Variants in FAM81A observed in about 807,000 individuals in gnomAD.
FAM81A encodes the protein protein FAM81A.
In FAM81A, 19 loss-of-function variants were observed where a neutral mutation model predicts 46.7. That is an observed-to-expected ratio of 0.41 (90% CI 0.28 to 0.60). The LOEUF is 0.60. FAM81A is among the 20% of genes least tolerant of loss of function. The pLI, the probability that FAM81A is intolerant of heterozygous loss-of-function variation, is 0.34. For missense variants in FAM81A, 377 were observed against 453.5 expected, an observed-to-expected ratio of 0.83 and a Z score of 1.53; for synonymous variants, 183 against 152.9, an observed-to-expected ratio of 1.20 and a Z score of -1.45.
At chr15:59,447,251 G>A (rs1403840282) in intron 1 of FAM81A, among the ~76,000 whole-genome samples, 5 of 152,190 alleles carry the variant, frequency 3.3e-5, no homozygotes, top group Admixed American at 2.6e-4. Context: ...ATGTCAAGAT[G>A]TGTCAGGTAA....
intron 1 of FAM81A, among the ~76,000 whole-genome samples, chr15:59,450,447 G>A (rs2081405341): frequency 6.6e-6 from 1 of 151,960 alleles, no homozygotes; most frequent in Admixed American, 6.6e-5. Context: ...AGGTCATTAG[G>A]TTTGTGCATC....
At chr15:59,485,371 G>A (rs982859152) in intron 3 of FAM81A, among the ~76,000 whole-genome samples, 4 of 152,192 alleles carry the variant, frequency 2.6e-5, no homozygotes, top group Admixed American at 6.5e-5. Context: ...TGGGTACAGA[G>A]GTGCTTGTGC....
intron 2 of FAM81A, among the ~76,000 whole-genome samples, chr15:59,414,643 A>G (rs1167434127): frequency 3.3e-5 from 5 of 151,782 alleles, no homozygotes; most frequent in Non-Finnish European, 7.4e-5. Flanking sequence ...ACTGGTGACA[A>G]CTGAGTTCTT....
chr15:59,418,526 C>T (rs1487479132), intron 2 of FAM81A, among the ~76,000 whole-genome samples: 1 of 152,154 alleles, frequency 6.6e-6, no homozygotes, highest in African/African-American at 2.4e-5. Context: ...ATCAATAGCT[C>T]GATCCAGGTT....
At chr15:59,502,820 G>A (rs931120676) in intron 4 of FAM81A, among the ~76,000 whole-genome samples, 5 of 151,858 alleles carry the variant, frequency 3.3e-5, no homozygotes, top group Admixed American at 1.3e-4. Flanking sequence ...CGCGCCAGCC[G>A]TGTTTTCTAA....
At chr15:59,423,415 T>C (rs921658605) in intron 2 of FAM81A, among the ~76,000 whole-genome samples, 3 of 152,198 alleles carry the variant, frequency 2.0e-5, no homozygotes, top group Non-Finnish European at 4.4e-5. Context: ...AGTATTATTA[T>C]TAACTTTTGA....
At chr15:59,448,174 TG>T (rs2081372154) in intron 1 of FAM81A, among the ~76,000 whole-genome samples, 1 of 152,078 alleles carries the variant, frequency 6.6e-6, no homozygotes, top group African/African-American at 2.4e-5. Flanking sequence ...GTCAGGCTTT[TG>T]AGACCACCAT....
chr15:59,409,419 T>C (rs2081110846), intron 2 of FAM81A, among the ~76,000 whole-genome samples: 1 of 152,190 alleles, frequency 6.6e-6, no homozygotes, highest in African/African-American at 2.4e-5. Context: ...CAATACCCCC[T>C]ACTTCATGCT....
intron 3 of FAM81A, among the ~76,000 whole-genome samples, chr15:59,481,099 A>G (rs956286292): frequency 2.6e-5 from 4 of 151,916 alleles, no homozygotes; most frequent in African/African-American, 9.7e-5. Context: ...GGTTCAAGCA[A>G]TCCTCTTGCC....
chr15:59,399,985 G>C (rs866909755), intron 1 of FAM81A, among the ~76,000 whole-genome samples: 15 of 152,258 alleles, frequency 9.9e-5, no homozygotes, highest in Middle Eastern at 6.8e-3. Context: ...CTCCAGGGAG[G>C]GTGGTGGGGT....
chr15:59,453,090 G>A (rs2081438696), intron 1 of FAM81A, among the ~76,000 whole-genome samples: 1 of 152,288 alleles, frequency 6.6e-6, no homozygotes, highest in Non-Finnish European at 1.5e-5. Context: ...AAATAGATAT[G>A]TATTCTATCA....
At chr15:59,479,174 C>T in intron 3 of FAM81A, among the ~76,000 whole-genome samples, 1 of 152,128 alleles carries the variant, frequency 6.6e-6, no homozygotes, top group Non-Finnish European at 1.5e-5. Flanking sequence ...ATGTCAAGTG[C>T]TCTGATGAGA....
At chr15:59,486,094 G>T (rs1388545272) in intron 3 of FAM81A, among the ~76,000 whole-genome samples, 3 of 152,058 alleles carry the variant, frequency 2.0e-5, no homozygotes, top group African/African-American at 7.2e-5. Flanking sequence ...CAGGAGAATC[G>T]CTTGAACCCA....
At chr15:59,403,610 C>T (rs1318728242) in intron 2 of FAM81A, among the ~76,000 whole-genome samples, 1 of 152,136 alleles carries the variant, frequency 6.6e-6, no homozygotes, top group African/African-American at 2.4e-5. Context: ...TGCCCTAGTT[C>T]CTCTGGTTAT....
intron 2 of FAM81A, among the ~76,000 whole-genome samples, chr15:59,405,518 G>A (rs184915179): frequency 6.6e-6 from 1 of 152,260 alleles, no homozygotes; most frequent in Non-Finnish European, 1.5e-5. Flanking sequence ...GTGCATGCCT[G>A]TAATCCCAGC....
chr15:59,469,700 A>G (rs539341647), intron 3 of FAM81A, among the ~76,000 whole-genome samples: 1 of 152,126 alleles, frequency 6.6e-6, no homozygotes, highest in Non-Finnish European at 1.5e-5. Context: ...TAATTGGGGC[A>G]TTTAGCCCAC....
At chr15:59,502,557 A>C (rs1468355714) in intron 4 of FAM81A, among the ~76,000 whole-genome samples, 2 of 147,336 alleles carry the variant, frequency 1.4e-5, no homozygotes, top group South Asian at 4.3e-4. Context: ...TCTGTTGCCT[A>C]TGCTGGAGTG....
At chr15:59,435,243 C>T (rs1339065333), upstream of FAM81A, among the ~76,000 whole-genome samples, 2 of 147,200 alleles carry the variant, frequency 1.4e-5, no homozygotes, top group Non-Finnish European at 3.0e-5. Flanking sequence ...GCCGAGATCA[C>T]GCCACTGCAC....
chr15:59,486,622 A>G (rs1182317293), intron 3 of FAM81A, among the ~76,000 whole-genome samples: 2 of 152,216 alleles, frequency 1.3e-5, no homozygotes, highest in African/African-American at 2.4e-5. Context: ...CAAAACTCCC[A>G]GAGGTCAAGG....
Sources: allele counts gnomAD v4.1 joint callset (sites outside exome capture counted in the v4.1 genomes callset), GRCh38; gene constraint gnomAD v4.1.1; transcripts MANE v1.5; gene names NCBI Gene and HGNC (gene_info 2026-07-23, HGNC 2026-07-21).